DNAH8: variants seen among roughly 807,000 people sequenced by gnomAD.
DNAH8 encodes dynein axonemal heavy chain 8.
A neutral mutation model predicts 562.1 loss-of-function variants in DNAH8; 382 were observed. The observed-to-expected ratio is 0.68, with a 90% CI of 0.63 to 0.74. The LOEUF (loss-of-function observed/expected upper bound fraction) is 0.74. DNAH8 is among the 30% of genes least tolerant of loss of function. DNAH8 has a pLI of 0.00. For missense variants in DNAH8, 5,203 were observed against 5,620.4 expected, an observed-to-expected ratio of 0.93 and a Z score of 2.37; for synonymous variants, 1,881 against 1,919.4, an observed-to-expected ratio of 0.98 and a Z score of 0.52.
intron 4 of DNAH8, among the ~76,000 whole-genome samples, chr6:38,732,902 T>G (rs1267137655): frequency 6.6e-6 from 1 of 152,152 alleles, no homozygotes; most frequent in African/African-American, 2.4e-5. Flanking sequence ...TTTTTTATTT[T>G]TTTTTGAGAT....
Position 38,938,163 on chromosome 6 carries a change from T to C in DNAH8, c.11753T>C (p.Val3918Ala), listed in dbSNP as rs780572756. The change falls in exon 78 of 93, where the codon GTC becomes GCC. Residue 3918 changes from valine to alanine, a missense_variant. Physicochemically the swap from Val to Ala is moderately conservative, Grantham distance 64 (BLOSUM62 0). Coordinates refer to ENST00000327475, the MANE Select transcript of DNAH8 (RefSeq NM_001206927.2). ...TTCCTCATCACAGAGATGAGCATGG[T>C]CAACATCATGTATCAGACGTCATTG... ...LYFLITEMSMVNIMYQTSLAQ... is the reference protein window; with the variant it reads ...LYFLITEMSMANIMYQTSLAQ... 3.7e-6 allele frequency: 6 copies of C among 1,614,008 alleles called. No homozygotes were observed. The highest frequency in any genetic ancestry group is 5.1e-6 in the Non-Finnish European group (6 of 1,179,992).
intron 4 of DNAH8, among the ~76,000 whole-genome samples, chr6:38,731,571 A>G (rs776235871): frequency 2.6e-5 from 4 of 152,204 alleles, no homozygotes; most frequent in Non-Finnish European, 5.9e-5. Flanking sequence ...ATACAAATCT[A>G]TGTGGATTAG....
At chr6:38,949,256 A>G (rs148234884) in intron 80 of DNAH8, among the ~76,000 whole-genome samples, 196 bp from the exon 81 acceptor site, 26 of 152,346 alleles carry the variant, frequency 1.7e-4, no homozygotes, top group African/African-American at 6.3e-4. Flanking sequence ...TAGAAAAATA[A>G]TGGAAGAACT....
Position 38,924,052 on chromosome 6 carries a change from A to C in DNAH8, c.10852A>C (p.Ile3618Leu). The C allele has an allele frequency of 6.2e-7, 1 of 1,613,898 alleles. No homozygotes were observed. Among genetic ancestry groups the C allele is most frequent in the Non-Finnish European group, 8.5e-7 (1 of 1,179,922 alleles). Reference protein sequence around the residue: ...FLSYLGPFNQIFRNYLLKDQW... With the variant: ...FLSYLGPFNQLFRNYLLKDQW... ...TTCCTACCTTGGTCCTTTCAATCAG[A>C]TATTTAGGAACTATTTGCTTAAAGA... Residue 3618 changes from isoleucine (I) to leucine (L), a missense_variant, in exon 73 of 93, where the codon ATA (isoleucine) becomes CTA (leucine). Around this residue, in one of 6 missense-constraint regions of DNAH8, gnomAD observed 1,399 missense variants for 1,518.4 expected, o/e 0.92. Transcript: ENST00000327475.
At chr6:38,729,737 A>G (rs941314765) in intron 3 of DNAH8, among the ~76,000 whole-genome samples, 165 bp from the exon 4 acceptor site, 16 of 152,178 alleles carry the variant, frequency 1.1e-4, no homozygotes, top group African/African-American at 3.9e-4. Context: ...ATATAATTCA[A>G]CCATTACTAT....
intron 48 of DNAH8, among the ~76,000 whole-genome samples, chr6:38,870,096 G>A (rs1255148680): frequency 2.0e-5 from 3 of 152,150 alleles, no homozygotes; most frequent in Non-Finnish European, 4.4e-5. Context: ...GATCTTGTGA[G>A]ACTTATTCAC....
intron 75 of DNAH8, among the ~76,000 whole-genome samples, chr6:38,930,463 A>G (rs72853733): frequency 8.5e-5 from 13 of 152,296 alleles, no homozygotes; most frequent in Admixed American, 2.6e-4. Context: ...TAATGTGAAA[A>G]TCTTTTATAT....
chr6:38,859,497 G>A (rs142923672), intron 42 of DNAH8, among the ~76,000 whole-genome samples: 1 of 152,322 alleles, frequency 6.6e-6, no homozygotes, highest in East Asian at 1.9e-4. Flanking sequence ...ATTTTTTAGT[G>A]TCAGTTGAAT....
chr6:38,880,463 CT>C lies in DNAH8; in HGVS notation c.7859-2443del, dbSNP rs540697815. On this transcript the variant is annotated intron_variant, in intron 53 of 92. Coordinates refer to ENST00000327475, the MANE Select transcript of DNAH8 (RefSeq NM_001206927.2). ...GCCAGTGCGATGGGGGGAAAAATCT[CT>C]TTTGCTGTTTAAAAGTCACTATTAA... Among the ~76,000 whole-genome samples the C allele has an allele frequency of 2.2e-3, 338 of 152,110 alleles. 1 individual carries two copies. The highest frequency in any genetic ancestry group is 7.9e-3 in the African/African-American group (329 of 41,488).
At chr6:38,750,106 A>G (rs1765307572) in intron 8 of DNAH8, among the ~76,000 whole-genome samples, 1 of 152,240 alleles carries the variant, frequency 6.6e-6, no homozygotes, top group Non-Finnish European at 1.5e-5. Context: ...TGCTGGGATT[A>G]CAGGCGTAAG....
At chr6:38,810,255 G>A (rs1771673548) in intron 24 of DNAH8, among the ~76,000 whole-genome samples, 1 of 152,006 alleles carries the variant, frequency 6.6e-6, no homozygotes, top group Non-Finnish European at 1.5e-5. Flanking sequence ...AGTTCTTTAA[G>A]TGATTACCCT....
chr6:38,866,338 A>G (rs1777028320), intron 45 of DNAH8, among the ~76,000 whole-genome samples: 1 of 152,070 alleles, frequency 6.6e-6, no homozygotes, highest in Non-Finnish European at 1.5e-5. Context: ...CTATTTTTTA[A>G]GTCAGTAGAC....
Position 38,872,963 on chromosome 6 carries a change from T to A in DNAH8, c.7295T>A (p.Leu2432Ter). ...GTGGATGCCATCTGGATTGAGAACT[T>A]AAATTCCGTTTTGGATGACAATAAA... is the stretch of plus-strand genomic sequence containing the variant. The part of the protein sequence containing the change: ...GPVDAIWIEN[L>*]NSVLDDNKTL... Residue 2432 changes from leucine (L) to a stop codon, truncating the protein, a stop_gained, in exon 51 of 93, where the codon TTA (leucine) becomes TAA (stop). Transcript: ENST00000327475. LOFTEE classifies it high-confidence loss of function. 6.2e-7 allele frequency: 1 copy of A among 1,614,150 alleles called. No homozygotes were observed. Among genetic ancestry groups the A allele is most frequent in the South Asian group, 1.1e-5 (1 of 91,082 alleles).
chr6:38,715,939 TATATATATA>T lies in DNAH8; in HGVS notation c.-35+525_-35+533del, dbSNP rs1562520465. On this transcript the variant is annotated intron_variant, in intron 1 of 92. Coordinates refer to ENST00000327475, the MANE Select transcript of DNAH8 (RefSeq NM_001206927.2). ...ATAAATAAATAAATATATATATATA[TATATATATA>T]TATATATATATATTTTTTTTTTTTT... Among the ~76,000 whole-genome samples the T allele has an allele frequency of 2.0e-4, 5 of 25,548 alleles. 1 individual carries two copies. The highest frequency in any genetic ancestry group is 1.8e-3 in the South Asian group (1 of 564). The allele number at this position is 25,548 out of a possible 152,430, so 16.8% of individuals were successfully genotyped here. A position where few individuals can be genotyped will look rare whatever the true frequency, so the allele number is the denominator to read the frequency against.
At chr6:38,911,799 G>C (rs1780924112) in intron 66 of DNAH8, among the ~76,000 whole-genome samples, 1 of 152,154 alleles carries the variant, frequency 6.6e-6, no homozygotes. Context: ...TTTCTCTGCA[G>C]AACCATTTCT....
chr6:38,933,628 G>A (rs1782726286), intron 76 of DNAH8, among the ~76,000 whole-genome samples: 1 of 152,170 alleles, frequency 6.6e-6, no homozygotes, highest in African/African-American at 2.4e-5. Context: ...CTGCCACCCA[G>A]GGGTGACCAT....
In DNAH8 at chr6:38,741,884, A is replaced by G; in HGVS notation, c.1290A>G (p.Leu430=). Reference sequence around the variant, plus strand: ...TAAATGTTGCACACTCCAAACTGCTAAAGGTAAAAGGCTTTTTATTTAAAG... The same window carrying G: ...TAAATGTTGCACACTCCAAACTGCTGAAGGTAAAAGGCTTTTTATTTAAAG... ...NVLNVAHSKL[L]KNWRDLDARI... is the part of the protein sequence containing the mutation. Residue 430 remains leucine, a synonymous_variant, in exon 8 of 93, where the codon CTA becomes CTG. Coordinates refer to ENST00000327475, the MANE Select transcript of DNAH8 (RefSeq NM_001206927.2). The G allele has an allele frequency of 6.2e-7, 1 of 1,606,186 alleles. No individual in the cohort carries two copies. The highest frequency in any genetic ancestry group is 8.5e-7 in the Non-Finnish European group (1 of 1,177,658).
chr6:38,874,293 C>CCCCTCCCCTCCCCTCCCCTT (rs1177189865), intron 52 of DNAH8, among the ~76,000 whole-genome samples: 1 of 59,576 alleles, frequency 1.7e-5, no homozygotes, highest in Non-Finnish European at 3.7e-5. Flanking sequence ...CCCCTCCCCT[C>CCCCTCCCCTCCCCTCCCCTT]CCCTCCCCTC....
chr6:38,954,940 C>A (rs1762148775), intron 82 of DNAH8, among the ~76,000 whole-genome samples: 1 of 152,138 alleles, frequency 6.6e-6, no homozygotes, highest in South Asian at 2.1e-4. Flanking sequence ...ATGCTATATT[C>A]TGTTCCAAAA....
Sources: allele counts gnomAD v4.1 joint callset (sites outside exome capture counted in the v4.1 genomes callset), GRCh38; gene constraint gnomAD v4.1.1; regional missense constraint gnomAD v4.1.1; transcripts MANE v1.5; gene names NCBI Gene and HGNC (gene_info 2026-07-23, HGNC 2026-07-21).